The following TMTC2 variants were observed in gnomAD, a reference collection of about 807,000 sequenced individuals.
TMTC2 encodes protein O-mannosyl-transferase TMTC2.
In TMTC2, 43 loss-of-function variants were observed where a neutral mutation model predicts 82.4. The observed-to-expected ratio is 0.52, with a 90% confidence interval of 0.41 to 0.67. The LOEUF (loss-of-function observed/expected upper bound fraction) is 0.67, where lower values mean the gene tolerates loss of function less well. Ranked by LOEUF, TMTC2 falls within the 30% of genes least tolerant of loss-of-function variation. The pLI is 0.00. For missense variants in TMTC2, 919 were observed against 1,012.4 expected, an observed-to-expected ratio of 0.91 and a Z score of 1.25; for synonymous variants, 408 against 381.9, an observed-to-expected ratio of 1.07 and a Z score of -0.80.
chr12:82,765,670 A>C (rs150574471), intron 1 of TMTC2, among the ~76,000 whole-genome samples: 2 of 151,480 alleles, frequency 1.3e-5, no homozygotes, highest in East Asian at 3.9e-4. Context: ...GTGAAACTCC[A>C]TCTCGAAAAA....
intron 1 of TMTC2, among the ~76,000 whole-genome samples, chr12:82,742,513 T>A (rs1442115284): frequency 6.6e-6 from 1 of 151,340 alleles, no homozygotes; most frequent in East Asian, 1.9e-4. Context: ...CACTATATCC[T>A]GTATATTCTT....
At chr12:83,122,188 G>A (rs1004638606) in intron 11 of TMTC2, among the ~76,000 whole-genome samples, 3 of 151,332 alleles carry the variant, frequency 2.0e-5, no homozygotes, top group Non-Finnish European at 2.9e-5. Flanking sequence ...AAGTTTCGCC[G>A]AGTCTGTTTC....
At chr12:82,811,471 T>C (rs1868383694) in intron 1 of TMTC2, among the ~76,000 whole-genome samples, 1 of 152,036 alleles carries the variant, frequency 6.6e-6, no homozygotes. Context: ...TACATATTTC[T>C]TAAGCCAATA....
chr12:83,023,272 A>G (rs951395743), intron 8 of TMTC2, among the ~76,000 whole-genome samples: 7 of 152,220 alleles, frequency 4.6e-5, no homozygotes, highest in African/African-American at 1.7e-4. Context: ...GGTAAACCGA[A>G]TACATGTTTC....
At position 82,837,860 on chromosome 12, in the gene TMTC2, G is replaced by T. The variant is rs535347488; in HGVS notation, c.84-19150G>T. Among the ~76,000 whole-genome samples the T allele has an allele frequency of 8.5e-5, 13 of 152,182 alleles. No homozygotes were observed. The South Asian group carries it at 2.7e-3, about 32-fold the overall frequency. On this transcript the variant is annotated intron_variant, in intron 1 of 11. Coordinates refer to ENST00000321196, the MANE Select transcript of TMTC2 (RefSeq NM_152588.3). The stretch of plus-strand genomic sequence containing the variant: ...AGTAAATTATACATGGGGGCAAATG[G>T]CTTCCCTAGTACAGGGATCTCATGT...
rs1490063517 is a variant in TMTC2, at chr12:82,687,775, C to T, written c.83+106C>T. The T allele has an allele frequency of 7.3e-6, 8 of 1,091,470 alleles. No individual in the cohort carries two copies. The East Asian group carries it at 1.8e-4, about 24-fold the overall frequency. The allele number at this position is 1,091,470 out of a possible 1,614,324, so 67.6% of individuals were successfully genotyped here. On this transcript the variant is annotated intron_variant, in intron 1 of 11. Coordinates refer to ENST00000321196, the MANE Select transcript of TMTC2 (RefSeq NM_152588.3). Reference sequence around the variant, plus strand: ...AAAGTGCGTCTTGGAGGAACTGGTTCAGCACCTGATGGTTTAGGCGACACG... The same window carrying T: ...AAAGTGCGTCTTGGAGGAACTGGTTTAGCACCTGATGGTTTAGGCGACACG...
intron 1 of TMTC2, among the ~76,000 whole-genome samples, chr12:82,803,957 G>A (rs2137039987): frequency 6.6e-6 from 1 of 152,122 alleles, no homozygotes. Flanking sequence ...GCCCTTCAGT[G>A]GAATTCTTTC....
rs372028757 is a variant in TMTC2, at chr12:83,095,350, C to T, written c.2331+33519C>T. Among the ~76,000 whole-genome samples the T allele has an allele frequency of 7.4e-4, 112 of 151,690 alleles. No individual in the cohort carries two copies. In the East Asian group the frequency reaches 0.017, roughly 23 times the overall value. ...CTGCCTCCCGGGTTCACGCCATTCT[C>T]CTGCCTCAGCCTCCCAAGTAGCTGG... is the stretch of plus-strand genomic sequence containing the variant. On this transcript the variant is annotated intron_variant, in intron 11 of 11. Transcript: ENST00000321196.
chr12:83,066,011 T>C (rs766442769), intron 11 of TMTC2, among the ~76,000 whole-genome samples: 2 of 152,130 alleles, frequency 1.3e-5, no homozygotes, highest in East Asian at 3.9e-4. Context: ...TTTTATCAAG[T>C]TCCAGCTTTA....
chr12:83,067,206 T>G (rs1215001120), intron 11 of TMTC2, among the ~76,000 whole-genome samples: 1 of 151,398 alleles, frequency 6.6e-6, no homozygotes, highest in Non-Finnish European at 1.5e-5. Flanking sequence ...CTTCTGAGAG[T>G]AAGGATATTT....
intron 11 of TMTC2, among the ~76,000 whole-genome samples, chr12:83,083,463 C>T (rs1177464200): frequency 6.6e-6 from 1 of 152,144 alleles, no homozygotes; most frequent in East Asian, 1.9e-4. Context: ...CTTTTTCTCC[C>T]TGGTGCTTAT....
At chr12:82,821,618 A>C (rs576127285) in intron 1 of TMTC2, among the ~76,000 whole-genome samples, 1 of 152,270 alleles carries the variant, frequency 6.6e-6, no homozygotes, top group South Asian at 2.1e-4. Flanking sequence ...GGAGTTTATA[A>C]TCCCAGCACT....
intron 2 of TMTC2, among the ~76,000 whole-genome samples, chr12:82,871,311 G>A (rs1872161697): frequency 6.6e-6 from 1 of 151,610 alleles, no homozygotes; most frequent in African/African-American, 2.4e-5. Context: ...TACTGTTTTT[G>A]TGCAATTTTA....
chr12:82,998,028 G>A (rs1879743016), intron 8 of TMTC2, among the ~76,000 whole-genome samples: 1 of 152,104 alleles, frequency 6.6e-6, no homozygotes, highest in Non-Finnish European at 1.5e-5. Flanking sequence ...CAGTCATGCA[G>A]AATACAAAAG....
intron 8 of TMTC2, among the ~76,000 whole-genome samples, chr12:82,988,419 G>A (rs1299544770): frequency 2.0e-5 from 3 of 152,166 alleles, no homozygotes; most frequent in Non-Finnish European, 4.4e-5. Context: ...GTAAATTGCA[G>A]CCAATGAATG....
chr12:82,975,580 A>G (rs1164741370), intron 7 of TMTC2, among the ~76,000 whole-genome samples: 1 of 152,132 alleles, frequency 6.6e-6, no homozygotes, highest in Non-Finnish European at 1.5e-5. Context: ...AGTTGGATGA[A>G]TTTTTCAATG....
chr12:83,117,725 A>C (rs1884808803), intron 11 of TMTC2, among the ~76,000 whole-genome samples: 1 of 152,016 alleles, frequency 6.6e-6, no homozygotes, highest in African/African-American at 2.4e-5. Flanking sequence ...GTTGCATTGA[A>C]TTTGTAGATT....
rs1872351793 is a variant in TMTC2, at chr12:82,687,216, T to C, written c.-371T>C. 1 of 287,032 alleles carries C rather than the reference T, an allele frequency of 3.5e-6. No homozygotes were observed. The highest frequency in any genetic ancestry group is 6.8e-6 in the Non-Finnish European group (1 of 148,006). 17.8% of individuals were successfully genotyped at this position (287,032 alleles called of 1,614,324 possible). A position where few individuals can be genotyped will look rare whatever the true frequency, so the allele number is the denominator to read the frequency against. On this transcript the variant is annotated 5_prime_UTR_variant, in exon 1 of 12. Coordinates refer to ENST00000321196, the MANE Select transcript of TMTC2 (RefSeq NM_152588.3). The stretch of plus-strand genomic sequence containing the variant: ...CCCGCACCCTTCCACCTCCTCCGAG[T>C]CCCACTCCTCACCTAGGACGCCCCA...
intron 3 of TMTC2, among the ~76,000 whole-genome samples, chr12:82,927,193 T>C (rs961348949): frequency 6.6e-6 from 1 of 152,138 alleles, no homozygotes; most frequent in African/African-American, 2.4e-5. Context: ...ATTCAGAACA[T>C]TTGTGATTCA....
Sources: gnomAD v4.1 joint callset for allele counts (sites outside exome capture counted in the v4.1 genomes callset) on GRCh38, gnomAD v4.1.1 for gene constraint, MANE v1.5 for transcripts, NCBI Gene and HGNC (gene_info 2026-07-23, HGNC 2026-07-21) for gene names.